ERC1: variants seen among roughly 807,000 people sequenced by gnomAD.
ERC1 encodes RAB6 interacting protein 2.
A neutral mutation model predicts 132.0 loss-of-function variants in ERC1; 56 were observed. That is an observed-to-expected ratio of 0.42 (90% CI 0.34 to 0.53). The LOEUF is 0.53. Ranked by LOEUF, ERC1 falls within the 20% of genes least tolerant of loss-of-function variation. The pLI, the probability that ERC1 is intolerant of heterozygous loss-of-function variation, is 0.03. For missense variants in ERC1, 1,202 were observed against 1,349.9 expected (o/e 0.89, Z 1.72); for synonymous variants, 478 against 476.1 (o/e 1.00, Z -0.05).
intron 12 of ERC1, among the ~76,000 whole-genome samples, chr12:1,212,972 T>A (rs957981483): frequency 4.6e-5 from 7 of 152,242 alleles, no homozygotes; most frequent in Admixed American, 3.9e-4. Flanking sequence ...TAGCAGGCTG[T>A]CAAAGCTTAG....
At chr12:1,147,149 T>C (rs554000981) in intron 8 of ERC1, among the ~76,000 whole-genome samples, 1 of 152,306 alleles carries the variant, frequency 6.6e-6, no homozygotes, top group Admixed American at 6.5e-5. Flanking sequence ...AGTAATGGGA[T>C]GGCTGGGTCT....
Position 1,269,550 on chromosome 12 carries a change from G to A in ERC1, c.2619+6385G>A, listed in dbSNP as rs534695426. Among the ~76,000 whole-genome samples the A allele has an allele frequency of 1.2e-4, 19 of 152,288 alleles. 1 individual carries two copies. The South Asian group carries it at 3.9e-3, about 32-fold the overall frequency. On this transcript the variant is annotated intron_variant, in intron 14 of 18. Transcript: ENST00000360905. The stretch of plus-strand genomic sequence containing the variant: ...GCCATTAAAGAGTTTTAAAGAGGGC[G>A]TGACATCATCTGATTGATGTTTTTA...
In ERC1 at chr12:1,297,705, C is replaced by T. The variant is rs565087874; in HGVS notation, c.2780+7693C>T. Among the ~76,000 whole-genome samples the T allele has an allele frequency of 2.9e-3, 417 of 144,770 alleles. 1 individual carries two copies. Among genetic ancestry groups the T allele is most frequent in the Non-Finnish European group, 4.2e-3 (276 of 66,362 alleles). 95.0% of individuals were successfully genotyped at this position (144,770 alleles called of 152,430 possible). A position where few individuals can be genotyped will look rare whatever the true frequency, so the allele number is the denominator to read the frequency against. The stretch of plus-strand genomic sequence containing the variant: ...CTGGGTGATAGAGTGAGACTCTGTC[C>T]CCCTGCCAAAAAAAAAAAAAAAAAC... On this transcript the variant is annotated intron_variant, in intron 15 of 18. Transcript: ENST00000360905.
rs143404827 is a variant in ERC1 at position 1,203,215 on chromosome 12, G to A, written c.2351+13163G>A. Reference sequence around the variant, plus strand: ...TGGGACTACAGGCGTGTGCCACCACGCCTGGCTAATTTTTGTATTTTTAGT... The same window carrying A: ...TGGGACTACAGGCGTGTGCCACCACACCTGGCTAATTTTTGTATTTTTAGT... On this transcript the variant is annotated intron_variant, in intron 12 of 18. Transcript: ENST00000360905. Among the ~76,000 whole-genome samples the A allele has an allele frequency of 2.7e-3, 407 of 152,204 alleles. 5 individuals carry two copies. The highest frequency in any genetic ancestry group is 8.4e-3 in the African/African-American group (347 of 41,548).
chr12:1,475,025 A>T (rs1369542545), intron 18 of ERC1, among the ~76,000 whole-genome samples: 1 of 152,242 alleles, frequency 6.6e-6, no homozygotes, highest in East Asian at 1.9e-4. Context: ...GGGCTGGAAC[A>T]GCTACTAAGA....
intron 1 of ERC1, among the ~76,000 whole-genome samples, chr12:992,278 T>C (rs1959683464): frequency 6.6e-6 from 1 of 152,228 alleles, no homozygotes; most frequent in African/African-American, 2.4e-5. Flanking sequence ...GGCACATTGC[T>C]GAATAATAGT....
intron 12 of ERC1, among the ~76,000 whole-genome samples, chr12:1,191,761 A>G (rs1955756940): frequency 6.6e-6 from 1 of 152,132 alleles, no homozygotes; most frequent in Non-Finnish European, 1.5e-5. Context: ...AACTCTTATA[A>G]AAGTTGGAAA....
intron 12 of ERC1, among the ~76,000 whole-genome samples, chr12:1,232,740 G>T (rs933136043): frequency 1.3e-5 from 2 of 151,522 alleles, no homozygotes; most frequent in African/African-American, 4.8e-5. Flanking sequence ...TTTTGTTTCT[G>T]GGTTCTCTTG....
At chr12:1,400,916 A>ATTATTATTATTTT (rs2090981093) in intron 16 of ERC1, among the ~76,000 whole-genome samples, 10 of 15,040 alleles carry the variant, frequency 6.6e-4, no homozygotes, top group African/African-American at 3.1e-3. Context: ...CTATTTTTGT[A>ATTATTATTATTTT]TTTTTTTTTT....
At chr12:1,223,063 G>A (rs2074296386) in intron 12 of ERC1, among the ~76,000 whole-genome samples, 1 of 152,148 alleles carries the variant, frequency 6.6e-6, no homozygotes, top group Non-Finnish European at 1.5e-5. Flanking sequence ...AATGTTTAAT[G>A]AGCACCTATA....
At chr12:1,119,103 T>A (rs541772284) in intron 7 of ERC1, among the ~76,000 whole-genome samples, 1 of 152,170 alleles carries the variant, frequency 6.6e-6, no homozygotes, top group East Asian at 1.9e-4. Context: ...GGTCTGGGAC[T>A]CCTGAGCTCA....
intron 12 of ERC1, among the ~76,000 whole-genome samples, chr12:1,207,856 G>T (rs1402293937): frequency 6.6e-6 from 1 of 152,146 alleles, no homozygotes; most frequent in Non-Finnish European, 1.5e-5. Context: ...AGTTTTTATA[G>T]AGTTGCCAGA....
intron 12 of ERC1, among the ~76,000 whole-genome samples, chr12:1,223,098 T>C (rs2074299182): frequency 6.6e-6 from 1 of 152,158 alleles, no homozygotes; most frequent in South Asian, 2.1e-4. Context: ...GTACTAGGAA[T>C]TGTGGATTTT....
intron 2 of ERC1, among the ~76,000 whole-genome samples, chr12:1,068,961 G>C (rs1045025866): frequency 6.6e-6 from 1 of 151,690 alleles, no homozygotes; most frequent in South Asian, 2.1e-4. Context: ...TTTGGCGAAT[G>C]GTTGTTTGTT....
intron 16 of ERC1, among the ~76,000 whole-genome samples, chr12:1,389,898 G>A (rs926680227): frequency 2.0e-5 from 3 of 152,108 alleles, no homozygotes; most frequent in Non-Finnish European, 4.4e-5. Context: ...AAAATATGTA[G>A]TGCCTTTAAA....
chr12:1,047,886 A>AT (rs934697734), intron 2 of ERC1, among the ~76,000 whole-genome samples: 12 of 152,136 alleles, frequency 7.9e-5, no homozygotes, highest in Non-Finnish European at 1.6e-4. Context: ...TTGTTCTATG[A>AT]TTTTACCTTA....
At chr12:1,420,707 G>A (rs1174774894) in intron 17 of ERC1, among the ~76,000 whole-genome samples, 6 of 152,008 alleles carry the variant, frequency 3.9e-5, no homozygotes, top group Admixed American at 2.6e-4. Flanking sequence ...CACCCACCTC[G>A]GCCCCCCAAA....
chr12:1,186,302 T>C lies in ERC1; in HGVS notation c.2157+2881T>C, dbSNP rs138121390. 3.1e-3 allele frequency among the ~76,000 whole-genome samples: 470 copies of C among 152,348 alleles called. 3 individuals are homozygous for C. The highest frequency in any genetic ancestry group is 0.01 in the African/African-American group (418 of 41,584). On this transcript the variant is annotated intron_variant, in intron 11 of 18. Coordinates refer to ENST00000360905, the MANE Select transcript of ERC1 (RefSeq NM_178040.4). Reference sequence around the variant, plus strand: ...TATGTGGTGAAAATGTTGATTTCTATGGGAATATGATTATCTGCATGGTTT... The same window carrying C: ...TATGTGGTGAAAATGTTGATTTCTACGGGAATATGATTATCTGCATGGTTT...
chr12:1,249,023 T>C (rs1361459488), intron 13 of ERC1, among the ~76,000 whole-genome samples: 3 of 152,116 alleles, frequency 2.0e-5, no homozygotes, highest in Non-Finnish European at 2.9e-5. Context: ...TCTGGGACTA[T>C]AGGGGTGTGC....
Sources: allele counts gnomAD v4.1 joint callset (sites outside exome capture counted in the v4.1 genomes callset), GRCh38; gene constraint gnomAD v4.1.1; transcripts MANE v1.5; gene names NCBI Gene and HGNC (gene_info 2026-07-23, HGNC 2026-07-21).